Variants in MAD1L1 observed in about 807,000 individuals in gnomAD.
MAD1L1 encodes the protein mitotic arrest deficient 1 like 1, also known as mitotic spindle assembly checkpoint protein MAD1.
Under a neutral mutation model 96.9 loss-of-function variants are expected in MAD1L1, and 95 were observed. The observed-to-expected ratio is 0.98, with a 90% CI of 0.83 to 1.16. MAD1L1 has a LOEUF of 1.16. Ranked by LOEUF, MAD1L1 falls within the 50% of genes most tolerant of loss-of-function variation. The pLI, the probability that MAD1L1 is intolerant of heterozygous loss-of-function variation, is 0.00. For missense variants in MAD1L1, 1,007 were observed against 954.4 expected, an observed-to-expected ratio of 1.06 and a Z score of -0.73; for synonymous variants, 473 against 396.6, an observed-to-expected ratio of 1.19 and a Z score of -2.29.
chr7:1,898,623 T>C (rs1214811666), intron 17 of MAD1L1, among the ~76,000 whole-genome samples: 1 of 152,120 alleles, frequency 6.6e-6, no homozygotes, highest in African/African-American at 2.4e-5. Flanking sequence ...ATAAAGTTAC[T>C]GCATTAAGAA....
chr7:2,211,014 A>T (rs1342898028), intron 10 of MAD1L1, among the ~76,000 whole-genome samples: 1 of 152,242 alleles, frequency 6.6e-6, no homozygotes. Flanking sequence ...GACTTGACAC[A>T]GGTCTTACTG....
intron 12 of MAD1L1, among the ~76,000 whole-genome samples, chr7:2,057,999 CGGGGCTGG>C (rs1784453221): frequency 7.0e-6 from 1 of 143,624 alleles, no homozygotes; most frequent in Non-Finnish European, 1.5e-5. Context: ...AGGAGAGGCG[CGGGGCTGG>C]AGAGGGAGTG....
chr7:1,963,349 G>C (rs1055712665), intron 15 of MAD1L1, among the ~76,000 whole-genome samples: 3 of 152,152 alleles, frequency 2.0e-5, no homozygotes, highest in Admixed American at 6.5e-5. Context: ...CAGGACCAAC[G>C]CCATGCCCAG....
At chr7:2,096,604 G>A (rs974193826) in intron 11 of MAD1L1, among the ~76,000 whole-genome samples, 2 of 152,132 alleles carry the variant, frequency 1.3e-5, no homozygotes, top group Non-Finnish European at 2.9e-5. Flanking sequence ...TGAAGACTTC[G>A]AGGACAGCTT....
intron 12 of MAD1L1, among the ~76,000 whole-genome samples, chr7:2,047,910 A>C (rs7807520): frequency 0.15 from 22,407 of 152,176 alleles, 2,558 homozygotes; most frequent in African/African-American, 0.31. Context: ...ACTCATGCTC[A>C]ATGCACAGTT....
intron 18 of MAD1L1, among the ~76,000 whole-genome samples, chr7:1,864,144 G>A (rs1286400821): frequency 2.6e-5 from 4 of 152,222 alleles, no homozygotes; most frequent in Admixed American, 6.5e-5. Flanking sequence ...CCCGCAGCCC[G>A]GTGGGACTTG....
intron 15 of MAD1L1, among the ~76,000 whole-genome samples, chr7:1,972,608 T>TG (rs1012377305): frequency 1.3e-5 from 2 of 151,632 alleles, no homozygotes; most frequent in Non-Finnish European, 2.9e-5. Context: ...TATTGAATTT[T>TG]TTTTCCAAAA....
chr7:2,160,667 C>G (rs958192440), intron 10 of MAD1L1, among the ~76,000 whole-genome samples: 67 of 152,138 alleles, frequency 4.4e-4, no homozygotes, highest in African/African-American at 1.5e-3. Flanking sequence ...GAGGCTCGCT[C>G]TGTCGCCCAG....
intron 18 of MAD1L1, among the ~76,000 whole-genome samples, chr7:1,850,249 G>A (rs978533344): frequency 2.0e-5 from 3 of 152,092 alleles, no homozygotes; most frequent in Non-Finnish European, 4.4e-5. Context: ...GCCCAGTCAG[G>A]TCCCGAGGGC....
chr7:2,145,059 C>G (rs1344781199), intron 11 of MAD1L1, among the ~76,000 whole-genome samples: 2 of 152,208 alleles, frequency 1.3e-5, no homozygotes, highest in Admixed American at 1.3e-4. Context: ...CCTCCTGGAG[C>G]GCCTTACGGC....
At position 2,134,855 on chromosome 7, in the gene MAD1L1, G is replaced by C. The variant is rs553153700; in HGVS notation, c.1073+14297C>G. On this transcript the variant is annotated intron_variant, in intron 11 of 18. Coordinates refer to ENST00000265854, the MANE Select transcript of MAD1L1 (RefSeq NM_001013836.2). ...CAGGGACACCCCTGCTGCTCATCTA[G>C]GGCAAGAACACCTGAAAGAAGTCAG... Among the ~76,000 whole-genome samples the C allele has an allele frequency of 2.5e-4, 38 of 152,290 alleles. No homozygotes were observed. In the South Asian group the frequency reaches 7.9e-3, roughly 32 times the overall value.
intron 17 of MAD1L1, among the ~76,000 whole-genome samples, chr7:1,907,656 TC>T (rs1459332913): frequency 6.6e-6 from 1 of 152,140 alleles, no homozygotes; most frequent in Non-Finnish European, 1.5e-5. Context: ...CCCCCTTTCC[TC>T]CCTGGGTGTG....
intron 12 of MAD1L1, among the ~76,000 whole-genome samples, chr7:2,068,898 G>A (rs1468798559): frequency 6.6e-6 from 1 of 152,186 alleles, no homozygotes; most frequent in East Asian, 1.9e-4. Flanking sequence ...AGCCTGCAGG[G>A]GGTCCGCAGT....
chr7:2,163,639 C>G (rs940031139), intron 10 of MAD1L1, among the ~76,000 whole-genome samples: 1 of 152,166 alleles, frequency 6.6e-6, no homozygotes, highest in Non-Finnish European at 1.5e-5. Flanking sequence ...TCCCAAAGTG[C>G]TGAGATTACA....
chr7:1,892,107 G>A (rs977864626), intron 18 of MAD1L1, among the ~76,000 whole-genome samples: 4 of 152,152 alleles, frequency 2.6e-5, no homozygotes, highest in African/African-American at 9.7e-5. Flanking sequence ...TCATGTTTAT[G>A]GCACCTTTTC....
At chr7:2,230,355 A>T in intron 2 of MAD1L1, 194 bp downstream of exon 2, 1 of 475,786 alleles carries the variant, frequency 2.1e-6, no homozygotes, top group Non-Finnish European at 3.9e-6. Flanking sequence ...ATGCCACCAA[A>T]TCCCCACCAG....
At chr7:2,229,872 T>C in intron 3 of MAD1L1, 112 bp downstream of exon 3, 1 of 1,165,820 alleles carries the variant, frequency 8.6e-7, no homozygotes, top group Non-Finnish European at 1.2e-6. Context: ...CGAATAGCTG[T>C]CTCTAGGCTC....
intron 18 of MAD1L1, among the ~76,000 whole-genome samples, chr7:1,834,659 A>G (rs1264393246): frequency 6.6e-6 from 1 of 152,274 alleles, no homozygotes; most frequent in Non-Finnish European, 1.5e-5. Flanking sequence ...TCAAGGTTCA[A>G]TGGGTTTACC....
chr7:2,072,902 T>C (rs1283465323), intron 11 of MAD1L1, among the ~76,000 whole-genome samples: 1 of 152,198 alleles, frequency 6.6e-6, no homozygotes, highest in African/African-American at 2.4e-5. Flanking sequence ...CATGTGGGGC[T>C]GGAGTCCCCC....
Sources: allele counts gnomAD v4.1 joint callset (sites outside exome capture counted in the v4.1 genomes callset), GRCh38; gene constraint gnomAD v4.1.1; transcripts MANE v1.5; gene names NCBI Gene and HGNC (gene_info 2026-07-23, HGNC 2026-07-21).